Variants in LRP1B observed in about 807,000 individuals in gnomAD.
LRP1B encodes the protein LDL receptor related protein 1B.
Under a neutral mutation model 556.6 loss-of-function variants are expected in LRP1B, and 217 were observed. That is an observed-to-expected ratio of 0.39 (90% CI 0.35 to 0.44). The LOEUF (loss-of-function observed/expected upper bound fraction) is 0.44, where lower values mean the gene tolerates loss of function less well. LRP1B is among the 20% of genes least tolerant of loss of function. LRP1B has a pLI of 1.00. For synonymous variants in LRP1B, 2,047 were observed against 1,865.8 expected (o/e 1.10, Z -2.50); for missense variants, 5,053 against 5,620.8 (o/e 0.90, Z 3.23).
At position 140,879,506 on chromosome 2, in the gene LRP1B, A is replaced by C. The variant is rs539055490; in HGVS notation, c.4169+4311T>G. On this transcript the variant is annotated intron_variant, in intron 25 of 90. Coordinates refer to ENST00000389484, the MANE Select transcript of LRP1B (RefSeq NM_018557.3). ...TTTATAAATAACATGTTATAGAATT[A>C]GTCACCCTAGAAGTGTTCTTAACCT... Among the ~76,000 whole-genome samples, 3 of 152,272 alleles carry C rather than the reference A, an allele frequency of 2.0e-5. 1 individual carries two copies. In the South Asian group the frequency reaches 6.2e-4, roughly 32 times the overall value.
chr2:140,533,931 A>G, intron 47 of LRP1B, 90 bp downstream of exon 47: 1 of 1,417,304 alleles, frequency 7.1e-7, no homozygotes, highest in Non-Finnish European at 9.8e-7. Flanking sequence ...TAGGTGTTAT[A>G]TGCCACAGAG....
chr2:141,450,897 A>ATTTTAAGTATTTTAAGTG, intron 3 of LRP1B, among the ~76,000 whole-genome samples: 1 of 152,318 alleles, frequency 6.6e-6, no homozygotes, highest in African/African-American at 2.4e-5. Context: ...GGGTCGAAGT[A>ATTTTAAGTATTTTAAGTG]TTTTAAGTGT....
At chr2:141,985,159 C>T (rs899858319) in intron 1 of LRP1B, among the ~76,000 whole-genome samples, 1 of 151,966 alleles carries the variant, frequency 6.6e-6, no homozygotes, top group African/African-American at 2.4e-5. Flanking sequence ...TTGAGGGTCA[C>T]GATGGAGAAA....
At chr2:140,403,078 A>C (rs916699509) in intron 66 of LRP1B, among the ~76,000 whole-genome samples, 24 of 152,218 alleles carry the variant, frequency 1.6e-4, no homozygotes, top group Non-Finnish European at 2.9e-4. Context: ...AGGCTATAAT[A>C]AACTATAAAC....
chr2:140,577,632 G>C (rs1459782911), intron 43 of LRP1B, among the ~76,000 whole-genome samples: 2 of 151,698 alleles, frequency 1.3e-5, no homozygotes, highest in Non-Finnish European at 2.9e-5. Flanking sequence ...TTTTACTCAG[G>C]CTAGTATGAA....
intron 1 of LRP1B, among the ~76,000 whole-genome samples, chr2:141,945,344 T>C (rs1014675919): frequency 1.3e-5 from 2 of 152,142 alleles, no homozygotes; most frequent in South Asian, 2.1e-4. Flanking sequence ...TGTAATTCTC[T>C]TAAAGACATA....
intron 3 of LRP1B, among the ~76,000 whole-genome samples, chr2:141,275,467 G>A (rs1217665972): frequency 6.6e-6 from 1 of 152,138 alleles, no homozygotes; most frequent in Non-Finnish European, 1.5e-5. Flanking sequence ...CCAGCACTTT[G>A]GGCGGCCAAG....
intron 15 of LRP1B, among the ~76,000 whole-genome samples, chr2:141,001,308 T>C (rs1258357378): frequency 2.0e-5 from 2 of 101,160 alleles, no homozygotes; most frequent in African/African-American, 7.3e-5. Context: ...AATAAGCCTG[T>C]AAGCTGTCCA....
intron 7 of LRP1B, among the ~76,000 whole-genome samples, chr2:141,122,613 A>T (rs1201015473): frequency 6.6e-6 from 1 of 152,128 alleles, no homozygotes. Context: ...GGTGCTGGGG[A>T]GGATGTGGAG....
chr2:141,576,008 A>G (rs1483211641), intron 2 of LRP1B, among the ~76,000 whole-genome samples: 6 of 152,212 alleles, frequency 3.9e-5, no homozygotes, highest in Non-Finnish European at 7.3e-5. Flanking sequence ...AAATTCGTTC[A>G]ACCATTGTGG....
chr2:141,054,243 A>C (rs1699118408), intron 10 of LRP1B, among the ~76,000 whole-genome samples: 2 of 151,990 alleles, frequency 1.3e-5, no homozygotes, highest in South Asian at 4.1e-4. Context: ...ACCAGAGAGA[A>C]AGGACTGACA....
At chr2:141,081,632 G>T (rs910947545) in intron 7 of LRP1B, among the ~76,000 whole-genome samples, 1 of 152,112 alleles carries the variant, frequency 6.6e-6, no homozygotes, top group African/African-American at 2.4e-5. Flanking sequence ...TACGGTGGGT[G>T]GTAGGTAGGG....
At chr2:140,705,989 T>C (rs988753894) in intron 37 of LRP1B, among the ~76,000 whole-genome samples, 4 of 152,096 alleles carry the variant, frequency 2.6e-5, no homozygotes, top group East Asian at 1.9e-4. Flanking sequence ...TTGAGAAACT[T>C]TGGGGATTAT....
chr2:141,596,552 G>T (rs1466347318), intron 2 of LRP1B, among the ~76,000 whole-genome samples: 1 of 151,900 alleles, frequency 6.6e-6, no homozygotes, highest in Non-Finnish European at 1.5e-5. Context: ...CATTCCTAAA[G>T]CACATTCAAC....
chr2:140,737,092 G>A (rs1420094702), intron 35 of LRP1B, among the ~76,000 whole-genome samples: 2 of 152,140 alleles, frequency 1.3e-5, no homozygotes, highest in East Asian at 3.9e-4. Context: ...AAGCCAGAGG[G>A]TGGTTGCCCC....
At chr2:140,390,425 C>A (rs1175418322) in intron 66 of LRP1B, among the ~76,000 whole-genome samples, 1 of 151,964 alleles carries the variant, frequency 6.6e-6, no homozygotes, top group East Asian at 1.9e-4. Context: ...ACATAAATCT[C>A]CATCCCATGC....
At chr2:141,227,985 G>A (rs965590502) in intron 6 of LRP1B, among the ~76,000 whole-genome samples, 1 of 152,120 alleles carries the variant, frequency 6.6e-6, no homozygotes, top group African/African-American at 2.4e-5. Flanking sequence ...GGAGTGCAAT[G>A]TCACAATCTC....
At chr2:140,463,160 T>C (rs935699757) in intron 60 of LRP1B, among the ~76,000 whole-genome samples, 19 of 152,112 alleles carry the variant, frequency 1.2e-4, no homozygotes, top group Admixed American at 1.2e-3. Flanking sequence ...AAGTGGAAGA[T>C]TCATGACAGT....
At chr2:140,584,957 C>T (rs558685796) in intron 43 of LRP1B, among the ~76,000 whole-genome samples, 6 of 151,538 alleles carry the variant, frequency 4.0e-5, no homozygotes, top group Non-Finnish European at 8.8e-5. Flanking sequence ...TTTATTTACT[C>T]GTATACTCAT....
Sources: gnomAD v4.1 joint callset for allele counts (sites outside exome capture counted in the v4.1 genomes callset) on GRCh38, gnomAD v4.1.1 for gene constraint, MANE v1.5 for transcripts, NCBI Gene and HGNC (gene_info 2026-07-23, HGNC 2026-07-21) for gene names.